The following ZNF420 variants were observed in gnomAD, a reference collection of about 807,000 sequenced individuals.
ZNF420 encodes zinc finger protein 420.
A neutral mutation model predicts 44.7 loss-of-function variants in ZNF420; 31 were observed. That is an observed-to-expected ratio of 0.69 (90% confidence interval 0.52 to 0.94). The LOEUF (loss-of-function observed/expected upper bound fraction) is 0.94, where lower values mean the gene tolerates loss of function less well. Ranked by LOEUF, ZNF420 falls within the 40% of genes least tolerant of loss-of-function variation. The pLI is 0.00. For synonymous variants in ZNF420, 245 were observed against 267.4 expected (o/e 0.92, Z 0.82); for missense variants, 681 against 827.9 (o/e 0.82, Z 2.18).
intron 1 of ZNF420, among the ~76,000 whole-genome samples, chr19:37,032,072 C>T (rs889113164): frequency 2.0e-5 from 3 of 151,958 alleles, no homozygotes; most frequent in Non-Finnish European, 4.4e-5. Flanking sequence ...TTAGACCGTG[C>T]GGTGGCTAAC....
intron 4 of ZNF420, among the ~76,000 whole-genome samples, chr19:37,116,162 A>G (rs1390223107): frequency 6.6e-6 from 1 of 152,006 alleles, no homozygotes; most frequent in Non-Finnish European, 1.5e-5. Context: ...TCTTTTCCCC[A>G]CAAAGACCAG....
At position 37,113,581 on chromosome 19, in the gene ZNF420, T is replaced by C. The variant is rs574736218; in HGVS notation, c.137-13547T>C. ...ATTGGTAATTGACTTTTGAGCAGCA[T>C]CTTGGAGGCTTGCCGCAAAATCAGG... On this transcript the variant is annotated intron_variant, in intron 4 of 4. Coordinates refer to ENST00000337995, the MANE Select transcript of ZNF420 (RefSeq NM_144689.5). 1.6e-3 allele frequency among the ~76,000 whole-genome samples: 251 copies of C among 152,334 alleles called. 13 individuals are homozygous for C. The South Asian group carries it at 0.051, about 31-fold the overall frequency.
At chr19:37,010,587 C>CGT (rs1179827990) in intron 1 of ZNF420, among the ~76,000 whole-genome samples, 1 of 151,668 alleles carries the variant, frequency 6.6e-6, no homozygotes, top group Non-Finnish European at 1.5e-5. Flanking sequence ...TGCCGGTGTG[C>CGT]GTGTGTGTGT....
chr19:37,122,200 C>T (rs1291319385), intron 4 of ZNF420, among the ~76,000 whole-genome samples: 11 of 152,158 alleles, frequency 7.2e-5, no homozygotes, highest in Non-Finnish European at 1.2e-4. Context: ...ATAGCAAAGA[C>T]TTGGAACCAA....
chr19:37,065,818 G>T (rs1393796695), intron 1 of ZNF420, among the ~76,000 whole-genome samples: 1 of 152,102 alleles, frequency 6.6e-6, no homozygotes, highest in Non-Finnish European at 1.5e-5. Flanking sequence ...TTCAATAAAG[G>T]TGCCAAAGAC....
rs1971587212 is a variant in ZNF420 at position 37,130,166 on chromosome 19, G to A, written c.*1108G>A. ...AAGCTGGAGCTCCGTTACTCTCATG[G>A]GGACTTTGAGAATGGTATCTGGGTG... On this transcript the variant is annotated 3_prime_UTR_variant, in exon 5 of 5. Coordinates refer to ENST00000337995, the MANE Select transcript of ZNF420 (RefSeq NM_144689.5). 6.4e-7 allele frequency: 1 copy of A among 1,550,398 alleles called. No homozygotes were observed. Among genetic ancestry groups the A allele is most frequent in the Admixed American group, 2.0e-5 (1 of 50,974 alleles).
At chr19:37,034,327 G>A (rs1386726084) in intron 1 of ZNF420, among the ~76,000 whole-genome samples, 2 of 152,150 alleles carry the variant, frequency 1.3e-5, no homozygotes, top group Non-Finnish European at 2.9e-5. Context: ...TTGGGAAAAT[G>A]TCTATGTAAG....
rs1220514668 is a variant in ZNF420 at position 37,089,133 on chromosome 19, T to C, written c.9+6T>C. The C allele has an allele frequency of 6.2e-6, 10 of 1,612,508 alleles. No homozygotes were observed. Among genetic ancestry groups the C allele is most frequent in the South Asian group, 4.4e-5 (4 of 91,046 alleles). ...CTCTAAAAACCATGGCTCGGGTAAA[T>C]TGGAGTTTCCTTGTGCTCTTTTCAC... On this transcript the variant is annotated splice_donor_region_variant and intron_variant, in intron 3 of 4. Coordinates refer to ENST00000337995, the MANE Select transcript of ZNF420 (RefSeq NM_144689.5).
intron 1 of ZNF420, among the ~76,000 whole-genome samples, chr19:37,014,577 TCC>T (rs1163045868): frequency 1.3e-5 from 2 of 151,984 alleles, no homozygotes; most frequent in African/African-American, 4.8e-5. Flanking sequence ...AGCAGCCTCC[TCC>T]CCCAAGCCGC....
chr19:37,073,433 T>C (rs902451944), upstream of ZNF420, among the ~76,000 whole-genome samples: 1 of 152,040 alleles, frequency 6.6e-6, no homozygotes, highest in African/African-American at 2.4e-5. Flanking sequence ...GAATGCACAA[T>C]ATAAGTACGA....
intron 1 of ZNF420, among the ~76,000 whole-genome samples, chr19:37,014,630 A>T (rs1184792020): frequency 6.6e-6 from 1 of 152,176 alleles, no homozygotes; most frequent in African/African-American, 2.4e-5. Context: ...CTGCCGCCTG[A>T]CAGCCCTGAC....
chr19:37,009,877 G>A (rs1471487946), intron 1 of ZNF420, among the ~76,000 whole-genome samples: 1 of 152,098 alleles, frequency 6.6e-6, no homozygotes, highest in Non-Finnish European at 1.5e-5. Context: ...GTTGGCTCAA[G>A]GAGGCCCTGA....
At chr19:37,123,207 T>C (rs988914350) in intron 4 of ZNF420, among the ~76,000 whole-genome samples, 1 of 152,238 alleles carries the variant, frequency 6.6e-6, no homozygotes, top group Non-Finnish European at 1.5e-5. Context: ...AGGTGGATTA[T>C]TGTTGTAGCC....
At position 37,127,140 on chromosome 19, in the gene ZNF420, G is replaced by C; in HGVS notation, c.149G>C (p.Arg50Thr). The change falls in exon 5 of 5, where the codon AGG becomes ACG. Residue 50 changes from arginine to threonine, a missense_variant. Physicochemically the swap from Arg to Thr is moderately conservative, Grantham distance 71. This residue lies in a region of ZNF420 where 350 missense variants were observed against 382.5 expected (regional missense o/e 0.92). Coordinates refer to ENST00000337995, the MANE Select transcript of ZNF420 (RefSeq NM_144689.5). ...SNLVSLDLPS[R>T]CASKDLSPEK... ...TCTTATCTTTCAGACTTGCCTTCAA[G>C]GTGTGCAAGTAAGGACTTATCTCCA... 2 of 1,478,676 alleles carry C rather than the reference G, an allele frequency of 1.4e-6. No individual in the cohort carries two copies. Among genetic ancestry groups the C allele is most frequent in the Non-Finnish European group, 1.8e-6 (2 of 1,113,470 alleles). 91.6% of individuals were successfully genotyped at this position (1,478,676 alleles called of 1,614,324 possible).
chr19:37,126,098 CTCTT>C (rs1971332725), intron 4 of ZNF420, among the ~76,000 whole-genome samples: 1 of 151,766 alleles, frequency 6.6e-6, no homozygotes, highest in Non-Finnish European at 1.5e-5. Flanking sequence ...TAGCCACCCA[CTCTT>C]TATTATGTAA....
chr19:37,083,487 T>G (rs1968586223), intron 2 of ZNF420, among the ~76,000 whole-genome samples: 1 of 152,216 alleles, frequency 6.6e-6, no homozygotes, highest in South Asian at 2.1e-4. Flanking sequence ...CAAAGCTTAT[T>G]CTGTGTTTTT....
chr19:37,101,136 C>T (rs181525938), intron 4 of ZNF420, among the ~76,000 whole-genome samples: 1 of 151,930 alleles, frequency 6.6e-6, no homozygotes, highest in Admixed American at 6.6e-5. Context: ...TTGTTGAGCT[C>T]ATATTTTCCT....
chr19:37,022,155 CTG>C (rs2074654942), intron 1 of ZNF420, among the ~76,000 whole-genome samples: 3 of 151,188 alleles, frequency 2.0e-5, no homozygotes, highest in Non-Finnish European at 2.9e-5. Flanking sequence ...ATCCATAACA[CTG>C]TCAAATTATA....
At chr19:37,017,207 C>T (rs916969778) in intron 1 of ZNF420, among the ~76,000 whole-genome samples, 9 of 152,196 alleles carry the variant, frequency 5.9e-5, no homozygotes, top group African/African-American at 1.9e-4. Flanking sequence ...TTCAGTAAGA[C>T]GTACAGGTGA....
Sources: allele counts gnomAD v4.1 joint callset (sites outside exome capture counted in the v4.1 genomes callset), GRCh38; gene constraint gnomAD v4.1.1; regional missense constraint gnomAD v4.1.1; transcripts MANE v1.5; gene names NCBI Gene and HGNC (gene_info 2026-07-23, HGNC 2026-07-21).